Variants in PODXL observed in about 807,000 individuals in gnomAD.
PODXL encodes podocalyxin like.
A neutral mutation model predicts 48.9 loss-of-function variants in PODXL; 20 were observed. That is an observed-to-expected ratio of 0.41 (90% CI 0.29 to 0.59). PODXL has a LOEUF of 0.59. Among genes scored for constraint, PODXL ranks in the 20% least tolerant of loss-of-function variants. The pLI is 0.31. For synonymous variants in PODXL, 295 were observed against 287.4 expected, an observed-to-expected ratio of 1.03 and a Z score of -0.27; for missense variants, 606 against 675.1, an observed-to-expected ratio of 0.90 and a Z score of 1.13.
intron 7 of PODXL, 85 bp from the exon 8 acceptor site, chr7:131,506,120 G>A: frequency 6.5e-7 from 1 of 1,548,128 alleles, no homozygotes; most frequent in Non-Finnish European, 8.8e-7. Flanking sequence ...TCCGCTTGCA[G>A]TCTGCTAGGG....
chr7:131,529,208 T>G (rs1798234226), intron 1 of PODXL, among the ~76,000 whole-genome samples: 1 of 152,124 alleles, frequency 6.6e-6, no homozygotes, highest in Non-Finnish European at 1.5e-5. Flanking sequence ...TGGTGAGTGA[T>G]GGACAGGGCT....
At chr7:131,522,188 C>T (rs1471854437) in intron 1 of PODXL, among the ~76,000 whole-genome samples, 1 of 152,166 alleles carries the variant, frequency 6.6e-6, no homozygotes, top group Non-Finnish European at 1.5e-5. Flanking sequence ...CAGTGGCTCA[C>T]GCCTGTAATC....
chr7:131,514,782 T>C (rs370621404), intron 1 of PODXL, among the ~76,000 whole-genome samples: 3,362 of 152,050 alleles, frequency 0.022, 103 homozygotes, highest in African/African-American at 0.073. Flanking sequence ...AATTTTTTTT[T>C]CTAATTTGTA....
At chr7:131,534,227 G>A (rs1309339844) in intron 1 of PODXL, among the ~76,000 whole-genome samples, 1 of 152,212 alleles carries the variant, frequency 6.6e-6, no homozygotes, top group Admixed American at 6.5e-5. Flanking sequence ...CTGGGGAGGG[G>A]AGAAGATGAG....
intron 1 of PODXL, among the ~76,000 whole-genome samples, chr7:131,517,284 C>T (rs967344285): frequency 6.6e-6 from 1 of 152,164 alleles, no homozygotes; most frequent in Admixed American, 6.5e-5. Context: ...GCAAGACCAG[C>T]GTAGTGATCG....
intron 1 of PODXL, among the ~76,000 whole-genome samples, chr7:131,534,602 T>C (rs1483839556): frequency 6.6e-6 from 1 of 152,160 alleles, no homozygotes; most frequent in Non-Finnish European, 1.5e-5. Context: ...CCCTTCTCCC[T>C]CTTGGGCCTG....
At chr7:131,509,102 G>A in intron 4 of PODXL, 74 bp from the exon 5 acceptor site, 1 of 1,329,568 alleles carries the variant, frequency 7.5e-7, no homozygotes. Flanking sequence ...CAACTAAGGG[G>A]TGACCCAGAT....
chr7:131,524,379 C>CAGAGAGAGAGAGAGAGAGAGAGAG (rs58163575), intron 1 of PODXL, among the ~76,000 whole-genome samples: 1,306 of 103,866 alleles, frequency 0.013, 57 homozygotes, highest in Admixed American at 0.042. Flanking sequence ...CACACACACA[C>CAGAGAGAGAGAGAGAGAGAGAGAG]AGAGAGAGAG....
At chr7:131,510,602 G>A (rs1202477418) in intron 2 of PODXL, among the ~76,000 whole-genome samples, 1 of 152,048 alleles carries the variant, frequency 6.6e-6, no homozygotes, top group Non-Finnish European at 1.5e-5. Flanking sequence ...CTCCTGAGTA[G>A]CTGGGATTAC....
At chr7:131,521,151 C>G (rs1203917156) in intron 1 of PODXL, among the ~76,000 whole-genome samples, 1 of 92,542 alleles carries the variant, frequency 1.1e-5, no homozygotes, top group Non-Finnish European at 2.4e-5. Context: ...CTGGGCGACT[C>G]CATCTCAAAA....
At chr7:131,516,736 C>CTTTTTTTTT (rs58722955) in intron 1 of PODXL, among the ~76,000 whole-genome samples, 4 of 125,640 alleles carry the variant, frequency 3.2e-5, no homozygotes, top group Non-Finnish European at 1.6e-5. Context: ...TTTTTTTTCT[C>CTTTTTTTTT]TTTTTTTTTT....
chr7:131,515,340 G>A (rs1328009194), intron 1 of PODXL, among the ~76,000 whole-genome samples: 1 of 152,158 alleles, frequency 6.6e-6, no homozygotes, highest in African/African-American at 2.4e-5. Flanking sequence ...TCCGTGAGTT[G>A]CCGAATTAGG....
intron 1 of PODXL, among the ~76,000 whole-genome samples, chr7:131,546,146 T>C (rs1199548216): frequency 2.0e-5 from 3 of 152,208 alleles, no homozygotes; most frequent in Admixed American, 2.0e-4. Flanking sequence ...ATCAACATCG[T>C]GTCACTGCCT....
At chr7:131,524,978 C>T (rs1175663357) in intron 1 of PODXL, among the ~76,000 whole-genome samples, 10 of 152,010 alleles carry the variant, frequency 6.6e-5, no homozygotes, top group Non-Finnish European at 1.3e-4. Context: ...GTGAAGGAAG[C>T]CAAAAGTCTG....
chr7:131,507,784 A>G (rs1313083287), intron 5 of PODXL, among the ~76,000 whole-genome samples: 2 of 152,180 alleles, frequency 1.3e-5, no homozygotes, highest in Admixed American at 1.3e-4. Flanking sequence ...CATATCATGC[A>G]ATGCCTGCCT....
rs770731501 is a variant in PODXL, at chr7:131,505,985, G to A, written c.1362C>T (p.Ala454=). ...KLGDQGPPEE[A]EDRFSMPLII... ...TGAGGGGCATGCTGAAGCGGTCCTCGGCCTCCTCCGGTGGCCCCTGGTCCC... is the reference window on the plus strand; with the variant it reads ...TGAGGGGCATGCTGAAGCGGTCCTCAGCCTCCTCCGGTGGCCCCTGGTCCC... The change falls in exon 8 of 9, where the codon GCC becomes GCT. Residue 454 remains alanine, a synonymous_variant. Transcript: ENST00000378555. 21 of 1,612,172 alleles carry A rather than the reference G, an allele frequency of 1.3e-5. No individual in the cohort carries two copies. Among genetic ancestry groups the A allele is most frequent in the Non-Finnish European group, 1.7e-5 (20 of 1,179,446 alleles).
At chr7:131,538,783 C>T (rs1346839536) in intron 1 of PODXL, among the ~76,000 whole-genome samples, 2 of 152,140 alleles carry the variant, frequency 1.3e-5, no homozygotes, top group African/African-American at 4.8e-5. Flanking sequence ...ACAAGAGAGG[C>T]GTCCCCATGC....
chr7:131,530,759 G>GAA (rs886450674), intron 1 of PODXL, among the ~76,000 whole-genome samples: 23 of 71,732 alleles, frequency 3.2e-4, no homozygotes, highest in Admixed American at 8.6e-4. Context: ...TCATGTCTCA[G>GAA]AAAAAAAAAA....
At chr7:131,541,930 C>G (rs974848216) in intron 1 of PODXL, among the ~76,000 whole-genome samples, 2 of 152,154 alleles carry the variant, frequency 1.3e-5, no homozygotes, top group African/African-American at 4.8e-5. Context: ...GGTGTCCAAA[C>G]AGCTGAACAT....
Sources: gnomAD v4.1 joint callset for allele counts (sites outside exome capture counted in the v4.1 genomes callset) on GRCh38, gnomAD v4.1.1 for gene constraint, MANE v1.5 for transcripts, NCBI Gene and HGNC (gene_info 2026-07-23, HGNC 2026-07-21) for gene names.